The following CADM4 variants were observed in gnomAD, a reference collection of about 807,000 sequenced individuals.
CADM4 encodes cell adhesion molecule 4.
Under a neutral mutation model 43.9 loss-of-function variants are expected in CADM4, and 13 were observed. The observed-to-expected ratio is 0.30, with a 90% CI of 0.19 to 0.47. The LOEUF is 0.47. Ranked by LOEUF, CADM4 falls within the 20% of genes least tolerant of loss-of-function variation. The pLI, the probability that CADM4 is intolerant of heterozygous loss-of-function variation, is 1.00. For missense variants in CADM4, 420 were observed against 527.0 expected (o/e 0.80, Z 1.99); for synonymous variants, 209 against 220.9 (o/e 0.95, Z 0.48).
chr19:43,623,382 G>C lies in CADM4; in HGVS notation c.1115C>G (p.Ala372Gly), dbSNP rs897491079. Residue 372 changes from alanine (A) to glycine (G), a missense_variant, in exon 9 of 9, where the codon GCC becomes GGC. Ala to Gly is a moderately conservative substitution (Grantham distance 60). Coordinates refer to ENST00000222374, the MANE Select transcript of CADM4 (RefSeq NM_145296.2). This position sits in a 1 kb window ranked among gnomAD's most constrained non-coding sequence, Gnocchi z 4.4. ...GTGTCCGTCGCTGCCATTGAGGAAG[G>C]CTTCTCTTGCTTCTCCCTGTTCATC... Reference protein sequence around the residue: ...GLDEQGEAREAFLNGSDGHKR... With the variant: ...GLDEQGEAREGFLNGSDGHKR... 6.2e-7 allele frequency: 1 copy of C among 1,614,166 alleles called. No homozygotes were observed. The highest frequency in any genetic ancestry group is 8.5e-7 in the Non-Finnish European group (1 of 1,180,012).
chr19:43,631,427 G>C (rs1973624056), intron 1 of CADM4, among the ~76,000 whole-genome samples: 1 of 151,774 alleles, frequency 6.6e-6, no homozygotes, highest in South Asian at 2.1e-4. Flanking sequence ...AAGTTGAGGG[G>C]TAGAAAAGAT....
rs1489119522 is a variant in CADM4, at chr19:43,627,030, G to C, written c.365-112C>G. ...AGGGAACCAGGGTCCCAGGTGGCAG[G>C]GGTCAAAGGGGAGAGGTCAGGAGCC... On this transcript the variant is annotated intron_variant, in intron 3 of 8. Transcript: ENST00000222374. This position sits in a 1 kb window ranked among gnomAD's most constrained non-coding sequence, Gnocchi z 4.0. The C allele has an allele frequency of 3.4e-6, 5 of 1,479,888 alleles. No homozygotes were observed. In the Admixed American group the frequency reaches 1.1e-4, roughly 33 times the overall value. The allele number at this position is 1,479,888 out of a possible 1,614,324, so 91.7% of individuals were successfully genotyped here. A position where few individuals can be genotyped will look rare whatever the true frequency, so the allele number is the denominator to read the frequency against.
Position 43,625,178 on chromosome 19 carries a change from G to A in CADM4, c.828C>T (p.Leu276=). Residue 276 remains leucine (L), a synonymous_variant, in exon 7 of 9, where the codon CTC becomes CTT. Coordinates refer to ENST00000222374, the MANE Select transcript of CADM4 (RefSeq NM_145296.2). The surrounding 1 kb of genome is among the most constrained non-coding windows in gnomAD (Gnocchi z 4.5). ...CCGCGGATACCAGACCCGGCAGCGT[G>A]AGCGTCTCTCCCACGGCCTCCGCCC... is the stretch of plus-strand genomic sequence containing the variant. ...PERAEAVGET[L]TLPGLVSADN... 2 of 1,614,236 alleles carry A rather than the reference G, an allele frequency of 1.2e-6. No individual in the cohort carries two copies. Among genetic ancestry groups the A allele is most frequent in the East Asian group, 2.2e-5 (1 of 44,882 alleles).
At chr19:43,638,716 G>T (rs1360676462) in intron 1 of CADM4, among the ~76,000 whole-genome samples, 1 of 152,206 alleles carries the variant, frequency 6.6e-6, no homozygotes, top group Admixed American at 6.5e-5. Flanking sequence ...GTCAAGCCTG[G>T]GTGTGTGAAT....
chr19:43,638,159 G>C (rs1030829647), intron 1 of CADM4, among the ~76,000 whole-genome samples: 1 of 152,194 alleles, frequency 6.6e-6, no homozygotes, highest in African/African-American at 2.4e-5. Flanking sequence ...ACAGTGAGAG[G>C]ACAGCTTTGC....
chr19:43,637,386 A>G (rs1450093934), intron 1 of CADM4, among the ~76,000 whole-genome samples: 1 of 152,114 alleles, frequency 6.6e-6, no homozygotes, highest in Non-Finnish European at 1.5e-5. Context: ...CTCCAAGACC[A>G]CATGCTACAG....
Position 43,625,040 on chromosome 19 carries a change from C to CCCCCCCCCCCCCCCCCG in CADM4, c.928+37_928+38insCGGGGGGGGGGGGGGGG. On this transcript the variant is annotated intron_variant, in intron 7 of 8. Transcript: ENST00000222374. The surrounding 1 kb of genome is among the most constrained non-coding windows in gnomAD (Gnocchi z 4.5). Reference sequence around the variant, plus strand: ...AAGCCCCGCCCCCGCCACCTGGCGCCCCGCCCCCGCCCTCAGTCGGCCGCA... The same window carrying CCCCCCCCCCCCCCCCCG: ...AAGCCCCGCCCCCGCCACCTGGCGCCCCCCCCCCCCCCCCCCGCCGCCCCCGCCCTCAGTCGGCCGCA... 1.5e-6 allele frequency: 2 copies of CCCCCCCCCCCCCCCCCG among 1,377,870 alleles called. No individual in the cohort carries two copies. The highest frequency in any genetic ancestry group is 1.9e-6 in the Non-Finnish European group (2 of 1,060,012). 85.4% of individuals were successfully genotyped at this position (1,377,870 alleles called of 1,614,324 possible). A position where few individuals can be genotyped will look rare whatever the true frequency, so the allele number is the denominator to read the frequency against.
intron 7 of CADM4, 134 bp from the exon 8 acceptor site, chr19:43,624,376 C>T: frequency 5.6e-6 from 6 of 1,069,438 alleles, no homozygotes; most frequent in Non-Finnish European, 8.1e-6. Flanking sequence ...TCAAAAATTA[C>T]TGCCACCTTG....
At position 43,626,917 on chromosome 19, in the gene CADM4, C is replaced by A; in HGVS notation, c.366G>T (p.Val122=). The part of the protein sequence containing the change: ...HHQIATLTVL[V]APENPVVEVR... ...CCTCCACCACAGGATTCTCTGGGGCCACTGCCGCAGGGAGAAGGGAAGTAA... is the reference window on the plus strand; with the variant it reads ...CCTCCACCACAGGATTCTCTGGGGCAACTGCCGCAGGGAGAAGGGAAGTAA... The change falls in exon 4 of 9, where the codon GTG becomes GTT. Residue 122 remains valine (V), a splice_region_variant and synonymous_variant. Transcript: ENST00000222374. This position sits in a 1 kb window ranked among gnomAD's most constrained non-coding sequence, Gnocchi z 5.9. The A allele has an allele frequency of 1.9e-6, 3 of 1,596,490 alleles. No homozygotes were observed. The highest frequency in any genetic ancestry group is 1.7e-6 in the Non-Finnish European group (2 of 1,172,570).
intron 1 of CADM4, among the ~76,000 whole-genome samples, chr19:43,637,402 T>A (rs1973718147): frequency 6.6e-6 from 1 of 152,080 alleles, no homozygotes; most frequent in African/African-American, 2.4e-5. Flanking sequence ...TACAGCCTCC[T>A]ACCCCATGCT....
Position 43,627,370 on chromosome 19 carries a change from G to A in CADM4, c.212-52C>T. 1 of 1,518,560 alleles carries A rather than the reference G, an allele frequency of 6.6e-7. No individual in the cohort carries two copies. The highest frequency in any genetic ancestry group is 1.8e-4 in the Middle Eastern group (1 of 5,598). 94.1% of individuals were successfully genotyped at this position (1,518,560 alleles called of 1,614,324 possible). A position where few individuals can be genotyped will look rare whatever the true frequency, so the allele number is the denominator to read the frequency against. ...AATTTCGGGAGTCCTGGCCTCACAA[G>A]TCCCACCCTTCCGACAGGAGCTTAG... On this transcript the variant is annotated intron_variant, in intron 2 of 8. Coordinates refer to ENST00000222374, the MANE Select transcript of CADM4 (RefSeq NM_145296.2). This position sits in a 1 kb window ranked among gnomAD's most constrained non-coding sequence, Gnocchi z 4.0.
chr19:43,639,633 T>G (rs1209908145), intron 1 of CADM4, 94 bp downstream of exon 1: 81 of 629,326 alleles, frequency 1.3e-4, no homozygotes, highest in Non-Finnish European at 1.4e-4. Flanking sequence ...CCCGCGCGCA[T>G]TGTTCGGCCT....
chr19:43,624,118 C>G lies in CADM4; in HGVS notation c.1053G>C (p.Gln351His). Residue 351 changes from glutamine (Q) to histidine (H), a missense_variant, in exon 8 of 9, where the codon CAG becomes CAC. Transcript: ENST00000222374. ...LVGMVWCSVR[Q>H]KGSYLTHEAS... is the part of the protein sequence containing the mutation. ...TCCAGGCCCCGTCCCACTCACCCTT[C>G]TGCCGTACCGAGCACCAGACCATGC... The G allele has an allele frequency of 6.2e-7, 1 of 1,614,220 alleles. No homozygotes were observed. Among genetic ancestry groups the G allele is most frequent in the Non-Finnish European group, 8.5e-7 (1 of 1,180,038 alleles).
intron 1 of CADM4, 61 bp downstream of exon 1, chr19:43,639,666 C>T: frequency 1.1e-6 from 1 of 935,562 alleles, no homozygotes; most frequent in Non-Finnish European, 1.3e-6. Flanking sequence ...GGCTGCCGGG[C>T]TGTCACCACA....
chr19:43,627,578 ACATGGGAGC>A lies in CADM4; in HGVS notation c.211+57_211+65del. On this transcript the variant is annotated intron_variant, in intron 2 of 8. Transcript: ENST00000222374. The surrounding 1 kb of genome is among the most constrained non-coding windows in gnomAD (Gnocchi z 4.0). ...ACTCTCAGGTGTGTCCTCTTTCAGG[ACATGGGAGC>A]CTGGGCCCCAGCCCTCTCTTCCTTT... 1 of 1,547,006 alleles carries A rather than the reference ACATGGGAGC, an allele frequency of 6.5e-7. No homozygotes were observed. Among genetic ancestry groups the A allele is most frequent in the Non-Finnish European group, 8.8e-7 (1 of 1,132,756 alleles).
rs192692484 is a variant in CADM4 at position 43,634,841 on chromosome 19, C to T, written c.64+4886G>A. Among the ~76,000 whole-genome samples, 466 of 151,936 alleles carry T rather than the reference C, an allele frequency of 3.1e-3. 4 individuals are homozygous for T. The highest frequency in any genetic ancestry group is 0.01 in the African/African-American group (420 of 41,414). On this transcript the variant is annotated intron_variant, in intron 1 of 8. Coordinates refer to ENST00000222374, the MANE Select transcript of CADM4 (RefSeq NM_145296.2). ...GAGTCTAGGCTCCCAGCCCCTCCTC[C>T]ATCAGGTTCCAGGAGTCTGGAACCC...
chr19:43,625,870 G>A lies in CADM4; in HGVS notation c.755+41C>T, dbSNP rs527716544. On this transcript the variant is annotated intron_variant, in intron 6 of 8. Transcript: ENST00000222374. This position sits in a 1 kb window ranked among gnomAD's most constrained non-coding sequence, Gnocchi z 4.5. ...TGGTCCCTGTTCTTCCAGGTCCCCA[G>A]CTTTCTCCTCCTGAGGACGCAGGAG... 1.9e-6 allele frequency: 3 copies of A among 1,562,738 alleles called. No homozygotes were observed. Among genetic ancestry groups the A allele is most frequent in the South Asian group, 2.2e-5 (2 of 89,980 alleles).
chr19:43,632,549 T>C (rs1383335938), intron 1 of CADM4, among the ~76,000 whole-genome samples: 1 of 152,124 alleles, frequency 6.6e-6, no homozygotes. Context: ...CTTGCTGACC[T>C]TACTTCACTC....
chr19:43,623,090 G>T lies in CADM4; in HGVS notation c.*240C>A. 1 of 488,848 alleles carries T rather than the reference G, an allele frequency of 2.0e-6. No individual in the cohort carries two copies. The highest frequency in any genetic ancestry group is 3.7e-6 in the Non-Finnish European group (1 of 269,574). 30.3% of individuals were successfully genotyped at this position (488,848 alleles called of 1,614,324 possible). A position where few individuals can be genotyped will look rare whatever the true frequency, so the allele number is the denominator to read the frequency against. ...CCCTACTGCCCTCACTGGACTTGGG[G>T]GGTCTGGACCTTTGGCCCCTGCCCC... On this transcript the variant is annotated 3_prime_UTR_variant, in exon 9 of 9. Coordinates refer to ENST00000222374, the MANE Select transcript of CADM4 (RefSeq NM_145296.2). The surrounding 1 kb of genome is among the most constrained non-coding windows in gnomAD (Gnocchi z 4.4).
Sources: allele counts gnomAD v4.1 joint callset (sites outside exome capture counted in the v4.1 genomes callset), GRCh38; gene constraint gnomAD v4.1.1; non-coding constraint Gnocchi (gnomAD v3.1); transcripts MANE v1.5; gene names NCBI Gene and HGNC (gene_info 2026-07-23, HGNC 2026-07-21).